SLC25A13: variants seen among roughly 807,000 people sequenced by gnomAD.
The protein encoded by SLC25A13 is solute carrier family 25 member 13, also known as electrogenic aspartate/glutamate antiporter SLC25A13, mitochondrial.
SLC25A13 carries 70 observed loss-of-function variants against 85.5 expected under a neutral mutation model. The ratio of observed to expected loss-of-function variants is 0.82; its 90% CI spans 0.68 to 1.00. The LOEUF is 1.00. Among genes scored for constraint, SLC25A13 ranks in the 50% least tolerant of loss-of-function variants. The pLI is 0.00. For missense variants in SLC25A13, 765 were observed against 819.8 expected (o/e 0.93, Z 0.82); for synonymous variants, 259 against 288.7 (o/e 0.90, Z 1.04).
At chr7:96,260,568 A>T (rs1277391955) in intron 3 of SLC25A13, among the ~76,000 whole-genome samples, 1 of 152,100 alleles carries the variant, frequency 6.6e-6, no homozygotes, top group Non-Finnish European at 1.5e-5. Flanking sequence ...CATACATCTC[A>T]CAGCCTGCCT....
At chr7:96,186,558 A>C (rs562971034) in intron 9 of SLC25A13, among the ~76,000 whole-genome samples, 11 of 152,236 alleles carry the variant, frequency 7.2e-5, no homozygotes, top group Non-Finnish European at 1.6e-4. Flanking sequence ...CTTTAAACAA[A>C]AAGAACAAAA....
At chr7:96,293,060 C>G (rs1452038270) in intron 2 of SLC25A13, among the ~76,000 whole-genome samples, 2 of 152,056 alleles carry the variant, frequency 1.3e-5, no homozygotes, top group Non-Finnish European at 2.9e-5. Context: ...CAAAACAGCA[C>G]GGTACTGGTA....
intron 2 of SLC25A13, among the ~76,000 whole-genome samples, chr7:96,288,405 CTCA>C (rs1798975328): frequency 6.6e-6 from 1 of 152,178 alleles, no homozygotes; most frequent in Non-Finnish European, 1.5e-5. Context: ...CTCACTGGGG[CTCA>C]TTGGACAGTG....
chr7:96,140,397 CTTTTTTTTTTTTT>C (rs59863233), intron 14 of SLC25A13, among the ~76,000 whole-genome samples: 1 of 88,128 alleles, frequency 1.1e-5, no homozygotes, highest in African/African-American at 5.1e-5. Flanking sequence ...CAAGGATCTC[CTTTTTTTTTTTTT>C]TTTTTTTTTT....
At position 96,120,939 on chromosome 7, in the gene SLC25A13, C is replaced by A. The variant is rs140968602; in HGVS notation, c.*252G>T. On this transcript the variant is annotated 3_prime_UTR_variant, in exon 18 of 18. Coordinates refer to ENST00000265631, the MANE Select transcript of SLC25A13 (RefSeq NM_014251.3). ...TTCCCCAAATCATGTTAGTGTTGAC[C>A]AAATCCCATCAATTTTCAGATGCAA... is the stretch of plus-strand genomic sequence containing the variant. The A allele has an allele frequency of 2.3e-5, 14 of 602,632 alleles. No homozygotes were observed. The Admixed American group carries it at 3.0e-4, about 13-fold the overall frequency. The allele number at this position is 602,632 out of a possible 1,614,324, so 37.3% of individuals were successfully genotyped here. A position where few individuals can be genotyped will look rare whatever the true frequency, so the allele number is the denominator to read the frequency against.
At chr7:96,162,987 A>G (rs1399519699) in intron 13 of SLC25A13, among the ~76,000 whole-genome samples, 1 of 152,218 alleles carries the variant, frequency 6.6e-6, no homozygotes, top group African/African-American at 2.4e-5. Context: ...ACAGACCCTC[A>G]GAGAAGGCAT....
intron 5 of SLC25A13, among the ~76,000 whole-genome samples, chr7:96,201,288 T>C (rs1212794092): frequency 6.6e-6 from 1 of 151,770 alleles, no homozygotes; most frequent in Non-Finnish European, 1.5e-5. Context: ...GGCGAGTGGA[T>C]TGCTTGAGGT....
rs771982846 is a variant in SLC25A13, at chr7:96,121,425, T to C, written c.1842-48A>G. The C allele has an allele frequency of 5.6e-6, 9 of 1,597,304 alleles. No homozygotes were observed. In the African/African-American group the frequency reaches 1.2e-4, roughly 21 times the overall value. ...AAGAAGCTGTATTTTTTGTTTGTTT[T>C]AACTTGATAAAAATAACATTCAAAA... On this transcript the variant is annotated intron_variant, in intron 17 of 17. Coordinates refer to ENST00000265631, the MANE Select transcript of SLC25A13 (RefSeq NM_014251.3).
At chr7:96,272,841 G>A (rs911499522) in intron 3 of SLC25A13, among the ~76,000 whole-genome samples, 7 of 152,168 alleles carry the variant, frequency 4.6e-5, no homozygotes, top group African/African-American at 1.7e-4. Context: ...AGAAATTATA[G>A]GATTAGAAAA....
At chr7:96,307,774 G>GCCTCTT (rs909681225) in intron 1 of SLC25A13, among the ~76,000 whole-genome samples, 12 of 152,202 alleles carry the variant, frequency 7.9e-5, no homozygotes, top group African/African-American at 2.9e-4. Flanking sequence ...TAAGTCAAAT[G>GCCTCTT]CCTCTTCCTC....
rs376254460 is a variant in SLC25A13, at chr7:96,298,526, C to T, written c.16-1575G>A. On this transcript the variant is annotated intron_variant, in intron 1 of 17. Coordinates refer to ENST00000265631, the MANE Select transcript of SLC25A13 (RefSeq NM_014251.3). ...TTAGCTCACTGCAACCTCAGCCTCCCAGGTTCAAACGATTCTCCTGCCTCA... is the reference window on the plus strand; with the variant it reads ...TTAGCTCACTGCAACCTCAGCCTCCTAGGTTCAAACGATTCTCCTGCCTCA... Among the ~76,000 whole-genome samples the T allele has an allele frequency of 3.3e-5, 5 of 152,190 alleles. No individual in the cohort carries two copies. In the East Asian group the frequency reaches 7.7e-4, roughly 24 times the overall value.
At chr7:96,232,396 A>G (rs1230315881) in intron 4 of SLC25A13, among the ~76,000 whole-genome samples, 2 of 152,190 alleles carry the variant, frequency 1.3e-5, no homozygotes, top group Non-Finnish European at 1.5e-5. Context: ...TAAGAACACA[A>G]GGACACAGAG....
rs142851750 is a variant in SLC25A13, at chr7:96,186,940, T to C, written c.934-1929A>G. Among the ~76,000 whole-genome samples the C allele has an allele frequency of 6.6e-5, 10 of 152,338 alleles. No homozygotes were observed. In the East Asian group the frequency reaches 1.9e-3, roughly 29 times the overall value. On this transcript the variant is annotated intron_variant, in intron 9 of 17. Transcript: ENST00000265631. ...CTACCACCCAGAGATACTCAAAACA[T>C]TTACAGTAGCTAAAACTAGGTGGCT...
chr7:96,190,947 T>G (rs1366717907), intron 7 of SLC25A13, among the ~76,000 whole-genome samples, 162 bp downstream of exon 7: 4 of 152,242 alleles, frequency 2.6e-5, no homozygotes, highest in South Asian at 2.1e-4. Context: ...ATTGTTTTGT[T>G]TGCTTTTGTT....
chr7:96,202,058 G>T (rs1209152207), intron 5 of SLC25A13, among the ~76,000 whole-genome samples: 5 of 152,164 alleles, frequency 3.3e-5, no homozygotes, highest in Admixed American at 3.3e-4. Flanking sequence ...CAGAAAAGAA[G>T]TAGGCTGACC....
chr7:96,279,906 C>T (rs1039805148), intron 2 of SLC25A13, among the ~76,000 whole-genome samples: 3 of 152,096 alleles, frequency 2.0e-5, no homozygotes, highest in Non-Finnish European at 4.4e-5. Context: ...TTTAGGATGC[C>T]ATGTTTATCA....
chr7:96,288,797 C>G (rs889394395), intron 2 of SLC25A13, among the ~76,000 whole-genome samples: 13 of 152,190 alleles, frequency 8.5e-5, no homozygotes, highest in African/African-American at 2.9e-4. Context: ...GAGCCCACCA[C>G]AGCTCCAGGA....
intron 14 of SLC25A13, among the ~76,000 whole-genome samples, chr7:96,145,374 G>A (rs1022891817): frequency 6.6e-6 from 1 of 152,118 alleles, no homozygotes; most frequent in African/African-American, 2.4e-5. Flanking sequence ...ACTAATTCTG[G>A]ATGTTTACTG....
intron 1 of SLC25A13, among the ~76,000 whole-genome samples, chr7:96,299,413 T>G (rs1799472491): frequency 6.6e-6 from 1 of 152,206 alleles, no homozygotes; most frequent in Non-Finnish European, 1.5e-5. Flanking sequence ...TATTATCTCG[T>G]TGGATTCTCA....
Sources: allele counts gnomAD v4.1 joint callset (sites outside exome capture counted in the v4.1 genomes callset), GRCh38; gene constraint gnomAD v4.1.1; transcripts MANE v1.5; gene names NCBI Gene and HGNC (gene_info 2026-07-23, HGNC 2026-07-21).